The following SLC6A18 variants were observed in gnomAD, a reference collection of about 807,000 sequenced individuals.
SLC6A18 encodes the protein inactive sodium-dependent neutral amino acid transporter B(0)AT3.
Under a neutral mutation model 62.9 loss-of-function variants are expected in SLC6A18, and 58 were observed. The observed-to-expected ratio is 0.92, with a 90% CI of 0.75 to 1.15. The LOEUF is 1.15. SLC6A18 is among the 50% of genes most tolerant of loss of function. SLC6A18 has a pLI of 0.00. For synonymous variants in SLC6A18, 382 were observed against 365.8 expected, an observed-to-expected ratio of 1.04 and a Z score of -0.51; for missense variants, 793 against 836.6, an observed-to-expected ratio of 0.95 and a Z score of 0.64.
In SLC6A18 at chr5:1,245,828, A is replaced by G; in HGVS notation, c.1657-20A>G. The stretch of plus-strand genomic sequence containing the variant: ...GGCCCAGGGTGGCCGGCGCCAGCTA[A>G]TGAGGCTGTGGTCCCGCAGGAGCTG... On this transcript the variant is annotated intron_variant, in intron 11 of 11. Coordinates refer to ENST00000324642, the MANE Select transcript of SLC6A18 (RefSeq NM_182632.3). 1 of 1,595,206 alleles carries G rather than the reference A, an allele frequency of 6.3e-7. No homozygotes were observed. The highest frequency in any genetic ancestry group is 2.3e-5 in the East Asian group (1 of 44,264).
chr5:1,228,786 G>A (rs1746647203), intron 1 of SLC6A18, among the ~76,000 whole-genome samples: 1 of 152,236 alleles, frequency 6.6e-6, no homozygotes, highest in Admixed American at 6.5e-5. Flanking sequence ...GTGGAAGGAT[G>A]GCGTGAGCCT....
At chr5:1,240,507 T>C (rs1160791209) in intron 6 of SLC6A18, 24 bp from the exon 7 acceptor site, 1 of 1,613,534 alleles carries the variant, frequency 6.2e-7, no homozygotes, top group Admixed American at 1.7e-5. Flanking sequence ...GCAAAGCCTG[T>C]GATGAGCGTG....
intron 1 of SLC6A18, 75 bp from the exon 2 acceptor site, chr5:1,232,144 G>T: frequency 7.3e-7 from 1 of 1,373,092 alleles, no homozygotes. Flanking sequence ...GACCACAGGT[G>T]GCTCCCCCTG....
intron 4 of SLC6A18, among the ~76,000 whole-genome samples, chr5:1,237,725 G>A (rs1427550247): frequency 6.6e-6 from 1 of 152,120 alleles, no homozygotes; most frequent in Non-Finnish European, 1.5e-5. Flanking sequence ...ACATGTAAAC[G>A]AATGTGCATG....
At chr5:1,234,571 G>A (rs1015074980) in intron 3 of SLC6A18, among the ~76,000 whole-genome samples, 10 of 152,254 alleles carry the variant, frequency 6.6e-5, no homozygotes, top group African/African-American at 9.6e-5. Flanking sequence ...CAGGCAGGCC[G>A]AGAGGAGTTA....
rs1462835870 is a variant in SLC6A18, at chr5:1,246,140, G to GGGGGCGGGC, written c.*65_*66insGCGGGCGGG. ...GGGGGGGCTTGGCCTGATGGTGGGC[G>GGGGGCGGGC]GGGCCCCGCCCACAGGGCCGACCCC... is the stretch of plus-strand genomic sequence containing the variant. On this transcript the variant is annotated 3_prime_UTR_variant, in exon 12 of 12. Coordinates refer to ENST00000324642, the MANE Select transcript of SLC6A18 (RefSeq NM_182632.3). The GGGGGCGGGC allele has an allele frequency of 1.0e-5, 14 of 1,403,446 alleles. No homozygotes were observed. The highest frequency in any genetic ancestry group is 1.3e-5 in the Non-Finnish European group (14 of 1,058,204). 86.9% of individuals were successfully genotyped at this position (1,403,446 alleles called of 1,614,324 possible).
In SLC6A18 at chr5:1,243,400, C is replaced by T. The variant is rs1023665269; in HGVS notation, c.1132-155C>T. Among the ~76,000 whole-genome samples, 1 of 152,206 alleles carries T rather than the reference C, an allele frequency of 6.6e-6. No homozygotes were observed. Among genetic ancestry groups the T allele is most frequent in the Non-Finnish European group, 1.5e-5 (1 of 68,022 alleles). On this transcript the variant is annotated intron_variant, in intron 8 of 11. Transcript: ENST00000324642. The surrounding 1 kb of genome is among the most constrained non-coding windows in gnomAD (Gnocchi z 6.5). Reference sequence around the variant, plus strand: ...GCTTGCAGCCTCGTCTCCCAGAAGGCATGGCCAGCCCTGAGCCACCTCAGC... The same window carrying T: ...GCTTGCAGCCTCGTCTCCCAGAAGGTATGGCCAGCCCTGAGCCACCTCAGC...
Position 1,241,815 on chromosome 5 carries a change from G to T in SLC6A18, c.975-892G>T, listed in dbSNP as rs1234242626. Among the ~76,000 whole-genome samples, 5 of 152,282 alleles carry T rather than the reference G, an allele frequency of 3.3e-5. No homozygotes were observed. Among genetic ancestry groups the T allele is most frequent in the East Asian group, 3.9e-4 (2 of 5,184 alleles). Reference sequence around the variant, plus strand: ...CTGTAAAAGTGCGCAAATATTGACGGGGTTACAAGCACATCTCAATGAGCA... The same window carrying T: ...CTGTAAAAGTGCGCAAATATTGACGTGGTTACAAGCACATCTCAATGAGCA... On this transcript the variant is annotated intron_variant, in intron 7 of 11. Coordinates refer to ENST00000324642, the MANE Select transcript of SLC6A18 (RefSeq NM_182632.3). The surrounding 1 kb of genome is among the most constrained non-coding windows in gnomAD (Gnocchi z 7.8).
At position 1,243,788 on chromosome 5, in the gene SLC6A18, G is replaced by T; in HGVS notation, c.1336+29G>T. ...AGCGCACAGCTCCGCCGCCCTGGAG[G>T]ACCCGTCCCCAGCATCTGACTGTCC... On this transcript the variant is annotated intron_variant, in intron 9 of 11. Transcript: ENST00000324642. The surrounding 1 kb of genome is among the most constrained non-coding windows in gnomAD (Gnocchi z 6.5). 6.4e-7 allele frequency: 1 copy of T among 1,559,470 alleles called. No individual in the cohort carries two copies. Among genetic ancestry groups the T allele is most frequent in the South Asian group, 1.2e-5 (1 of 84,018 alleles).
At chr5:1,237,240 C>CAAAA (rs61528804) in intron 4 of SLC6A18, among the ~76,000 whole-genome samples, 11 of 76,464 alleles carry the variant, frequency 1.4e-4, no homozygotes, top group African/African-American at 5.9e-4. Context: ...GACTCTGTCT[C>CAAAA]AAAAAAAAAA....
intron 5 of SLC6A18, 74 bp from the exon 6 acceptor site, chr5:1,239,376 G>A (rs145200300): frequency 4.2e-4 from 486 of 1,162,392 alleles, no homozygotes; most frequent in Non-Finnish European, 3.0e-4. Flanking sequence ...CCTTGGGAAC[G>A]TTCTGGAACA....
chr5:1,233,987 T>C lies in SLC6A18; in HGVS notation c.439+1099T>C, dbSNP rs373659756. Among the ~76,000 whole-genome samples the C allele has an allele frequency of 9.0e-3, 1,366 of 152,228 alleles. 8 individuals carry two copies. The highest frequency in any genetic ancestry group is 0.018 in the South Asian group (88 of 4,822). On this transcript the variant is annotated intron_variant, in intron 3 of 11. Transcript: ENST00000324642. ...CGATCTCCTGACCTCGTGATCCGCCTGCCTCGGCCTCCCAAAGTGCTGGGA... is the reference window on the plus strand; with the variant it reads ...CGATCTCCTGACCTCGTGATCCGCCCGCCTCGGCCTCCCAAAGTGCTGGGA...
Position 1,243,824 on chromosome 5 carries a change from G to A in SLC6A18, c.1336+65G>A, listed in dbSNP as rs181138957. ...AGCATCTGACTGTCCACTCCCGCCC[G>A]CTGTCCAGACGCCCCTCCTGGATGG... On this transcript the variant is annotated intron_variant, in intron 9 of 11. Coordinates refer to ENST00000324642, the MANE Select transcript of SLC6A18 (RefSeq NM_182632.3). The surrounding 1 kb of genome is among the most constrained non-coding windows in gnomAD (Gnocchi z 6.5). 10 of 1,450,356 alleles carry A rather than the reference G, an allele frequency of 6.9e-6. No individual in the cohort carries two copies. Among genetic ancestry groups the A allele is most frequent in the African/African-American group, 4.2e-5 (3 of 71,230 alleles). The allele number at this position is 1,450,356 out of a possible 1,614,324, so 89.8% of individuals were successfully genotyped here. A position where few individuals can be genotyped will look rare whatever the true frequency, so the allele number is the denominator to read the frequency against.
At chr5:1,227,438 A>T (rs1007402567) in intron 1 of SLC6A18, among the ~76,000 whole-genome samples, 7 of 152,236 alleles carry the variant, frequency 4.6e-5, no homozygotes, top group Non-Finnish European at 1.0e-4. Context: ...ATCCAAGTTT[A>T]TTTAACTCAC....
chr5:1,233,996 C>T lies in SLC6A18; in HGVS notation c.439+1108C>T, dbSNP rs1170979545. On this transcript the variant is annotated intron_variant, in intron 3 of 11. Coordinates refer to ENST00000324642, the MANE Select transcript of SLC6A18 (RefSeq NM_182632.3). ...GACCTCGTGATCCGCCTGCCTCGGCCTCCCAAAGTGCTGGGATTACAGGCG... is the reference window on the plus strand; with the variant it reads ...GACCTCGTGATCCGCCTGCCTCGGCTTCCCAAAGTGCTGGGATTACAGGCG... Among the ~76,000 whole-genome samples the T allele has an allele frequency of 2.0e-5, 3 of 152,188 alleles. No individual in the cohort carries two copies. The East Asian group carries it at 5.8e-4, about 29-fold the overall frequency.
rs758479180 is a variant in SLC6A18 at position 1,243,748 on chromosome 5, A to AG, written c.1327dup (p.Ala443GlyfsTer61). The stretch of plus-strand genomic sequence containing the variant: ...GTCCTGCCTAGATGGGTCCCCAAGG[A>AG]GGCCCTGACTGGTGAGCGCACAGCT... On this transcript the variant is annotated frameshift_variant, in exon 9 of 12. Coordinates refer to ENST00000324642, the MANE Select transcript of SLC6A18 (RefSeq NM_182632.3). LOFTEE classifies it high-confidence loss of function. The surrounding 1 kb of genome is among the most constrained non-coding windows in gnomAD (Gnocchi z 6.5). 1.2e-6 allele frequency: 2 copies of AG among 1,606,928 alleles called. No individual in the cohort carries two copies. The highest frequency in any genetic ancestry group is 2.2e-5 in the South Asian group (2 of 90,590).
chr5:1,236,216 C>T (rs1746880822), intron 4 of SLC6A18, among the ~76,000 whole-genome samples: 1 of 152,066 alleles, frequency 6.6e-6, no homozygotes, highest in South Asian at 2.1e-4. Flanking sequence ...CTTTAACTCT[C>T]TCTTGTTATT....
chr5:1,228,829 G>C (rs932141451), intron 1 of SLC6A18, among the ~76,000 whole-genome samples: 1 of 152,208 alleles, frequency 6.6e-6, no homozygotes, highest in Admixed American at 6.5e-5. Context: ...CCATGACTGT[G>C]CCACTGTACT....
chr5:1,244,863 GCA>G, intron 11 of SLC6A18, 96 bp downstream of exon 11: 1 of 1,370,864 alleles, frequency 7.3e-7, no homozygotes, highest in Non-Finnish European at 9.9e-7. Context: ...CCCATGCGGT[GCA>G]CATTCACGTG....
Sources: gnomAD v4.1 joint callset for allele counts (sites outside exome capture counted in the v4.1 genomes callset) on GRCh38, gnomAD v4.1.1 for gene constraint, Gnocchi (gnomAD v3.1) non-coding constraint, MANE v1.5 for transcripts, NCBI Gene and HGNC (gene_info 2026-07-23, HGNC 2026-07-21) for gene names.